The following YJU2 variants were observed in gnomAD, a reference collection of about 807,000 sequenced individuals.
YJU2 encodes the protein YJU2 splicing factor homolog, also known as splicing factor YJU2.
In YJU2, 28 loss-of-function variants were observed where a neutral mutation model predicts 39.6. That is an observed-to-expected ratio of 0.71 (90% CI 0.52 to 0.97). YJU2 has a LOEUF of 0.97. Among genes scored for constraint, YJU2 ranks in the 50% least tolerant of loss-of-function variants. The probability of loss-of-function intolerance (pLI) is 0.00; values close to 1 mark genes in which losing one functional copy is unlikely to be tolerated. For synonymous variants in YJU2, 184 were observed against 182.4 expected (o/e 1.01, Z -0.07); for missense variants, 328 against 430.4 (o/e 0.76, Z 2.11).
intron 6 of YJU2, among the ~76,000 whole-genome samples, chr19:4,265,208 T>G (rs1443399004): frequency 6.6e-6 from 1 of 152,122 alleles, no homozygotes; most frequent in African/African-American, 2.4e-5. Context: ...ACCCTAACTT[T>G]TATAGGAAGG....
intron 5 of YJU2, among the ~76,000 whole-genome samples, chr19:4,260,860 G>A (rs1281998359): frequency 6.6e-6 from 1 of 152,158 alleles, no homozygotes; most frequent in Non-Finnish European, 1.5e-5. Flanking sequence ...GTGTGGGGAG[G>A]GAGAGGGACA....
At chr19:4,262,226 T>A in intron 6 of YJU2, 112 bp downstream of exon 6, 1 of 1,170,368 alleles carries the variant, frequency 8.5e-7, no homozygotes, top group South Asian at 1.5e-5. Flanking sequence ...TGAGACGGAG[T>A]CTCGCTCTGT....
At chr19:4,261,907 C>A in intron 5 of YJU2, 87 bp from the exon 6 acceptor site, 1 of 1,460,648 alleles carries the variant, frequency 6.8e-7, no homozygotes, top group Non-Finnish European at 9.3e-7. Flanking sequence ...TCTCCAGGCA[C>A]CCAGGCCCCT....
rs750633368 is a variant in YJU2, at chr19:4,267,729, G to A, written c.814G>A (p.Asp272Asn). Reference sequence around the variant, plus strand: ...GGTCGTGGTGAAGAAGGCAAAGGCCGACCCGGACTGCAGCAACGGGCAGCC... The same window carrying A: ...GGTCGTGGTGAAGAAGGCAAAGGCCAACCCGGACTGCAGCAACGGGCAGCC... ...RLVVVKKAKA[D>N]PDCSNGQPQA... Residue 272 changes from aspartate (D) to asparagine (N), a missense_variant, in exon 7 of 8, where the codon GAC becomes AAC. By Grantham distance (23) the Asp-to-Asn change is conservative. Coordinates refer to ENST00000262962, the MANE Select transcript of YJU2 (RefSeq NM_018074.6). The A allele has an allele frequency of 1.6e-5, 26 of 1,612,924 alleles. No homozygotes were observed. Among genetic ancestry groups the A allele is most frequent in the South Asian group, 4.4e-5 (4 of 91,058 alleles).
chr19:4,264,743 G>A (rs1049215656), intron 6 of YJU2, among the ~76,000 whole-genome samples: 6 of 151,824 alleles, frequency 4.0e-5, no homozygotes, highest in Admixed American at 1.3e-4. Flanking sequence ...TGACTCGGCC[G>A]CCCAAAGTGC....
chr19:4,247,573 GGGGTGGCGCGTGTGTGTGTGTGTGT>G (rs1970931320), intron 1 of YJU2, among the ~76,000 whole-genome samples: 1 of 87,686 alleles, frequency 1.1e-5, no homozygotes, highest in African/African-American at 9.7e-5. Context: ...GGGGTGGGGT[GGGGTGGCGCGTGTGTGTGTGTGTGT>G]GTGTGTGTGT....
At chr19:4,261,369 T>C (rs1437642237) in intron 5 of YJU2, among the ~76,000 whole-genome samples, 1 of 152,134 alleles carries the variant, frequency 6.6e-6, no homozygotes, top group Non-Finnish European at 1.5e-5. Context: ...TGCGTGCCTG[T>C]AGTCCTAGCT....
At position 4,258,343 on chromosome 19, in the gene YJU2, C is replaced by T. The variant is rs758214142; in HGVS notation, c.507C>T (p.Phe169=). 3.8e-6 allele frequency: 6 copies of T among 1,590,112 alleles called. No individual in the cohort carries two copies. Among genetic ancestry groups the T allele is most frequent in the Middle Eastern group, 1.7e-4 (1 of 5,856 alleles). Reference sequence around the variant, plus strand: ...ACCAGCGGCAGGCGCACGTGGACTTCGAGGCTATGCTGAGGCAGCACCGCC... The same window carrying T: ...ACCAGCGGCAGGCGCACGTGGACTTTGAGGCTATGCTGAGGCAGCACCGCC... ...DLNQRQAHVD[F]EAMLRQHRLS... The change falls in exon 5 of 8, where the codon TTC becomes TTT. Residue 169 remains phenylalanine, a synonymous_variant. Transcript: ENST00000262962.
chr19:4,251,313 G>C, intron 3 of YJU2, 142 bp downstream of exon 3: 1 of 840,290 alleles, frequency 1.2e-6, no homozygotes, highest in East Asian at 2.7e-5. Context: ...CAACAGTTTG[G>C]GGGAGATGTT....
chr19:4,257,836 C>T (rs1466258017), intron 4 of YJU2, among the ~76,000 whole-genome samples: 2 of 152,176 alleles, frequency 1.3e-5, no homozygotes, highest in Admixed American at 6.6e-5. Flanking sequence ...CTCCTGATCT[C>T]AGGTGATCCG....
intron 5 of YJU2, among the ~76,000 whole-genome samples, chr19:4,260,488 G>A (rs952639853): frequency 1.4e-5 from 2 of 146,760 alleles, no homozygotes; most frequent in African/African-American, 5.0e-5. Flanking sequence ...CGTAATCCCA[G>A]CACTTTGGGA....
At chr19:4,261,252 C>G (rs1359612647) in intron 5 of YJU2, among the ~76,000 whole-genome samples, 2 of 152,114 alleles carry the variant, frequency 1.3e-5, no homozygotes, top group Non-Finnish European at 2.9e-5. Flanking sequence ...TTAGAGTTCT[C>G]ACACTGTGGT....
At chr19:4,253,751 A>G (rs1405665465) in intron 3 of YJU2, among the ~76,000 whole-genome samples, 2 of 152,176 alleles carry the variant, frequency 1.3e-5, no homozygotes, top group African/African-American at 2.4e-5. Context: ...ATATTTGTAC[A>G]TGTGATTTAT....
chr19:4,255,796 C>G (rs965068136), intron 4 of YJU2, among the ~76,000 whole-genome samples: 10 of 150,904 alleles, frequency 6.6e-5, no homozygotes, highest in African/African-American at 2.4e-4. Flanking sequence ...CACCTGAGGT[C>G]AGGAGTTCAA....
At chr19:4,258,852 A>G (rs1387341722) in intron 5 of YJU2, among the ~76,000 whole-genome samples, 1 of 152,114 alleles carries the variant, frequency 6.6e-6, no homozygotes, top group Non-Finnish European at 1.5e-5. Context: ...CTGGTCCCAC[A>G]GCCCCCGCTG....
At position 4,247,177 on chromosome 19, in the gene YJU2, G is replaced by GT; in HGVS notation, c.24+9dup. On this transcript the variant is annotated splice_region_variant and intron_variant, in intron 1 of 7. Transcript: ENST00000262962. ...GGAGCGAAAAGTATTAAACGTAAGT[G>GT]TTGGGCGACTGGGGCTTTTCAATCG... 2 of 1,613,608 alleles carry GT rather than the reference G, an allele frequency of 1.2e-6. No individual in the cohort carries two copies. The highest frequency in any genetic ancestry group is 1.7e-6 in the Non-Finnish European group (2 of 1,179,540).
rs574476691 is a variant in YJU2 at position 4,256,811 on chromosome 19, C to A, written c.406-1431C>A. On this transcript the variant is annotated intron_variant, in intron 4 of 7. Coordinates refer to ENST00000262962, the MANE Select transcript of YJU2 (RefSeq NM_018074.6). Reference sequence around the variant, plus strand: ...GCTGTGTGGGGAGCTGCTTGAGCAACCTCACAACATGGCAGCTGCGTACCC... The same window carrying A: ...GCTGTGTGGGGAGCTGCTTGAGCAAACTCACAACATGGCAGCTGCGTACCC... Among the ~76,000 whole-genome samples the A allele has an allele frequency of 3.3e-5, 5 of 152,244 alleles. No homozygotes were observed. The South Asian group carries it at 1.0e-3, about 32-fold the overall frequency.
intron 6 of YJU2, among the ~76,000 whole-genome samples, chr19:4,263,440 A>G (rs1257008087): frequency 1.3e-5 from 2 of 152,168 alleles, no homozygotes; most frequent in Non-Finnish European, 2.9e-5. Context: ...CATAGTCACA[A>G]GGCCCCATCT....
At chr19:4,260,604 G>A (rs1235331422) in intron 5 of YJU2, among the ~76,000 whole-genome samples, 1 of 152,144 alleles carries the variant, frequency 6.6e-6, no homozygotes, top group Non-Finnish European at 1.5e-5. Flanking sequence ...GGACATGGTG[G>A]TATGTGCCTG....
Sources: allele counts gnomAD v4.1 joint callset (sites outside exome capture counted in the v4.1 genomes callset), GRCh38; gene constraint gnomAD v4.1.1; transcripts MANE v1.5; gene names NCBI Gene and HGNC (gene_info 2026-07-23, HGNC 2026-07-21).